Variants in YEATS2 observed in about 807,000 individuals in gnomAD.
The protein encoded by YEATS2 is YEATS domain-containing protein 2.
YEATS2 carries 77 observed loss-of-function variants against 163.2 expected under a neutral mutation model. That is an observed-to-expected ratio of 0.47 (90% CI 0.39 to 0.57). The LOEUF (loss-of-function observed/expected upper bound fraction) is 0.57. YEATS2 is among the 20% of genes least tolerant of loss of function. YEATS2 has a pLI of 0.00. For synonymous variants in YEATS2, 631 were observed against 645.1 expected, an observed-to-expected ratio of 0.98 and a Z score of 0.33; for missense variants, 1,549 against 1,729.8, an observed-to-expected ratio of 0.90 and a Z score of 1.85.
At chr3:183,719,720 A>C (rs1020657314) in intron 4 of YEATS2, among the ~76,000 whole-genome samples, 4 of 151,922 alleles carry the variant, frequency 2.6e-5, no homozygotes, top group African/African-American at 9.7e-5. Flanking sequence ...GCTGGAATGC[A>C]GTGGCTATTC....
intron 7 of YEATS2, among the ~76,000 whole-genome samples, chr3:183,730,058 T>TTTTG (rs1717593785): frequency 4.8e-5 from 2 of 41,558 alleles, no homozygotes; most frequent in African/African-American, 2.8e-4. Flanking sequence ...GTTTGTTTTT[T>TTTTG]TTTTTTTTTT....
chr3:183,759,096 T>C (rs1385910550), intron 13 of YEATS2, 131 bp downstream of exon 13: 4 of 599,160 alleles, frequency 6.7e-6, no homozygotes, highest in Non-Finnish European at 1.1e-5. Context: ...CCTCAAGAGA[T>C]CTGCCACCTC....
chr3:183,805,485 C>A (rs779003695), intron 27 of YEATS2, among the ~76,000 whole-genome samples: 1 of 152,036 alleles, frequency 6.6e-6, no homozygotes, highest in Non-Finnish European at 1.5e-5. Context: ...TCCAAGGAAA[C>A]CTGGAGCACA....
At chr3:183,718,784 T>C (rs1716177203) in intron 4 of YEATS2, among the ~76,000 whole-genome samples, 192 bp downstream of exon 4, 1 of 152,196 alleles carries the variant, frequency 6.6e-6, no homozygotes. Flanking sequence ...AACCTCTGCC[T>C]CCCAAGTTCA....
At chr3:183,712,216 TA>T (rs1715318533) in intron 1 of YEATS2, among the ~76,000 whole-genome samples, 1 of 149,868 alleles carries the variant, frequency 6.7e-6, no homozygotes, top group African/African-American at 2.5e-5. Flanking sequence ...TATTTTATTT[TA>T]TTTTATTTTT....
intron 15 of YEATS2, among the ~76,000 whole-genome samples, chr3:183,770,071 G>A (rs549777436): frequency 5.3e-5 from 8 of 151,954 alleles, no homozygotes; most frequent in African/African-American, 1.4e-4. Flanking sequence ...AACAGAAACC[G>A]TGTATGGTAT....
At chr3:183,731,756 T>G (rs1026541745) in intron 7 of YEATS2, among the ~76,000 whole-genome samples, 3 of 152,244 alleles carry the variant, frequency 2.0e-5, no homozygotes, top group Admixed American at 2.0e-4. Context: ...TTTCATTACC[T>G]GTATGAGGTT....
chr3:183,749,165 G>A (rs1024989423), intron 9 of YEATS2, among the ~76,000 whole-genome samples: 1 of 151,792 alleles, frequency 6.6e-6, no homozygotes, highest in Non-Finnish European at 1.5e-5. Flanking sequence ...GGATGGTCTC[G>A]ATATCCTGAC....
At chr3:183,746,972 T>C (rs568247817) in intron 8 of YEATS2, among the ~76,000 whole-genome samples, 3 of 152,154 alleles carry the variant, frequency 2.0e-5, no homozygotes, top group Non-Finnish European at 4.4e-5. Context: ...TATATTGTTA[T>C]CACAAGTTCT....
At chr3:183,804,376 C>T (rs1323922957) in intron 27 of YEATS2, among the ~76,000 whole-genome samples, 188 bp downstream of exon 27, 1 of 152,240 alleles carries the variant, frequency 6.6e-6, no homozygotes, top group Non-Finnish European at 1.5e-5. Context: ...GTGTTGTGCC[C>T]CAGCCACACA....
At chr3:183,708,420 A>T (rs1286210690) in intron 1 of YEATS2, among the ~76,000 whole-genome samples, 3 of 152,142 alleles carry the variant, frequency 2.0e-5, no homozygotes, top group Non-Finnish European at 4.4e-5. Flanking sequence ...GAGTTCTAGG[A>T]CTGGCTTCTG....
chr3:183,724,301 T>C, intron 5 of YEATS2, 118 bp from the exon 6 acceptor site: 1 of 711,648 alleles, frequency 1.4e-6, no homozygotes, highest in Non-Finnish European at 2.3e-6. Context: ...AGCCAGAAAA[T>C]TTTGTAATTT....
intron 27 of YEATS2, 110 bp from the exon 28 acceptor site, chr3:183,806,756 C>A: frequency 1.9e-6 from 2 of 1,075,466 alleles, no homozygotes; most frequent in Non-Finnish European, 2.7e-6. Flanking sequence ...GAAAGAAGGT[C>A]AGCTCCCCTG....
chr3:183,752,142 G>C lies in YEATS2; in HGVS notation c.1039G>C (p.Asp347His). The change falls in exon 10 of 31, where the codon GAC becomes CAC. Residue 347 changes from aspartate (D) to histidine (H), a missense_variant. By Grantham distance (81) the Asp-to-His change is moderately conservative. Coordinates refer to ENST00000305135, the MANE Select transcript of YEATS2 (RefSeq NM_018023.5). ...TATCTATCCTCAGTCCTCGGAGTCT[G>C]ACATCTCTGATGCCCCTCCATCTTT... ...DCIYPQSSES[D>H]ISDAPPSLPL... 1 of 1,614,146 alleles carries C rather than the reference G, an allele frequency of 6.2e-7. No individual in the cohort carries two copies. Among genetic ancestry groups the C allele is most frequent in the South Asian group, 1.1e-5 (1 of 91,084 alleles).
chr3:183,790,154 A>G (rs571932006), intron 20 of YEATS2, among the ~76,000 whole-genome samples: 2 of 152,272 alleles, frequency 1.3e-5, no homozygotes, highest in African/African-American at 4.8e-5. Context: ...TCTGTCTTAA[A>G]TCTGGAAGAT....
chr3:183,724,588 T>A, intron 6 of YEATS2, 57 bp downstream of exon 6: 1 of 1,306,112 alleles, frequency 7.7e-7, no homozygotes, highest in Admixed American at 1.9e-5. Context: ...ATTTTGGCAT[T>A]AATACTCTTA....
rs368128873 is a variant in YEATS2, at chr3:183,728,763, C to T, written c.724C>T (p.Arg242Cys). 62 of 1,613,862 alleles carry T rather than the reference C, an allele frequency of 3.8e-5. No homozygotes were observed. In the African/African-American group the frequency reaches 3.9e-4, roughly 10 times the overall value. Residue 242 changes from arginine (R) to cysteine (C), a missense_variant, in exon 7 of 31, where the codon CGT becomes TGT. Transcript: ENST00000305135. ...GTGGATGGTATATGTCCGAGGGTCC[C>T]GTAGAGAACCCAGCATTAATCATTT... The part of the protein sequence containing the change: ...HKWMVYVRGS[R>C]REPSINHFVK...
chr3:183,761,828 G>A (rs1721385533), intron 14 of YEATS2, among the ~76,000 whole-genome samples: 1 of 152,132 alleles, frequency 6.6e-6, no homozygotes, highest in South Asian at 2.1e-4. Context: ...GTTTCTCTCT[G>A]CTGTCATTTG....
chr3:183,777,355 G>A (rs1438281639), intron 18 of YEATS2, among the ~76,000 whole-genome samples, 187 bp from the exon 19 acceptor site: 1 of 152,218 alleles, frequency 6.6e-6, no homozygotes, highest in Non-Finnish European at 1.5e-5. Flanking sequence ...GAGAAGTGGG[G>A]ATAACTAATG....
Sources: gnomAD v4.1 joint callset for allele counts (sites outside exome capture counted in the v4.1 genomes callset) on GRCh38, gnomAD v4.1.1 for gene constraint, MANE v1.5 for transcripts, NCBI Gene and HGNC (gene_info 2026-07-23, HGNC 2026-07-21) for gene names.